The following DNAH11 variants were observed in gnomAD, a reference collection of about 807,000 sequenced individuals.
DNAH11 encodes axonemal beta dynein heavy chain 11.
A neutral mutation model predicts 526.0 loss-of-function variants in DNAH11; 442 were observed. That is an observed-to-expected ratio of 0.84 (90% confidence interval 0.78 to 0.91). The LOEUF (loss-of-function observed/expected upper bound fraction) is 0.91. Ranked by LOEUF, DNAH11 falls within the 40% of genes least tolerant of loss-of-function variation. The pLI, the probability that DNAH11 is intolerant of heterozygous loss-of-function variation, is 0.00. For synonymous variants in DNAH11, 2,461 were observed against 1,935.9 expected, an observed-to-expected ratio of 1.27 and a Z score of -7.12; for missense variants, 6,989 against 5,448.7, an observed-to-expected ratio of 1.28 and a Z score of -8.90.
Position 21,880,809 on chromosome 7 carries a change from C to G in DNAH11, c.12303C>G (p.Gly4101=). The G allele has an allele frequency of 6.2e-7, 1 of 1,614,010 alleles. No individual in the cohort carries two copies. The highest frequency in any genetic ancestry group is 1.1e-5 in the South Asian group (1 of 91,080). Residue 4101 remains glycine (G), a synonymous_variant, in exon 75 of 82, where the codon GGC becomes GGG. Transcript: ENST00000409508. ...VAGRLRFGPQ[G]WSRSYPFNPG... ...GGAGACTGAGGTTTGGCCCCCAGGG[C>G]TGGAGCCGAAGCTATCCTTTTAATC... is the stretch of plus-strand genomic sequence containing the variant.
intron 30 of DNAH11, among the ~76,000 whole-genome samples, chr7:21,676,846 C>T (rs1462283391): frequency 1.3e-5 from 2 of 152,144 alleles, no homozygotes; most frequent in Non-Finnish European, 2.9e-5. Context: ...GAGAAAATAT[C>T]CAAGGCCTAA....
intron 79 of DNAH11, among the ~76,000 whole-genome samples, chr7:21,896,991 C>T (rs374904973): frequency 1.2e-4 from 19 of 152,116 alleles, no homozygotes; most frequent in African/African-American, 4.6e-4. Flanking sequence ...GGTAGGATTG[C>T]TTGAGCCCAA....
Position 21,842,762 on chromosome 7 carries a change from C to T in DNAH11, c.10896+14C>T, listed in dbSNP as rs1315166156. Reference sequence around the variant, plus strand: ...GAGAAACTTAAGGTAAAAATGTTTACGTCACCACCAACACTTAGTCGGCAT... The same window carrying T: ...GAGAAACTTAAGGTAAAAATGTTTATGTCACCACCAACACTTAGTCGGCAT... On this transcript the variant is annotated intron_variant, in intron 66 of 81. Transcript: ENST00000409508. The T allele has an allele frequency of 1.8e-5, 29 of 1,588,430 alleles. No homozygotes were observed. The highest frequency in any genetic ancestry group is 1.7e-4 in the Middle Eastern group (1 of 6,036).
intron 56 of DNAH11, among the ~76,000 whole-genome samples, chr7:21,774,867 G>A (rs541578616): frequency 7.9e-5 from 12 of 152,236 alleles, no homozygotes; most frequent in South Asian, 2.1e-4. Flanking sequence ...CCTCACTAGT[G>A]ATCACCTCAA....
At chr7:21,628,570 C>G (rs1452667525) in intron 25 of DNAH11, among the ~76,000 whole-genome samples, 3 of 152,014 alleles carry the variant, frequency 2.0e-5, no homozygotes, top group Non-Finnish European at 4.4e-5. Context: ...CTTCTTGGTT[C>G]TATTGATGTG....
intron 14 of DNAH11, among the ~76,000 whole-genome samples, chr7:21,598,169 C>T (rs139994104): frequency 6.6e-6 from 1 of 152,210 alleles, no homozygotes; most frequent in African/African-American, 2.4e-5. Flanking sequence ...GTATAGTCCA[C>T]CTTACAATCA....
At chr7:21,864,191 C>T (rs1234441384) in intron 69 of DNAH11, among the ~76,000 whole-genome samples, 1 of 152,158 alleles carries the variant, frequency 6.6e-6, no homozygotes, top group Non-Finnish European at 1.5e-5. Flanking sequence ...AATCCATTGT[C>T]ACTGGAGGCT....
At chr7:21,733,027 T>G (rs1375107278) in intron 45 of DNAH11, among the ~76,000 whole-genome samples, 1 of 151,664 alleles carries the variant, frequency 6.6e-6, no homozygotes, top group East Asian at 1.9e-4. Context: ...GAGCTTCCCG[T>G]GGAGCACGTG....
At chr7:21,789,415 A>G (rs1201602446) in intron 61 of DNAH11, 73 bp downstream of exon 61, 15 of 927,476 alleles carry the variant, frequency 1.6e-5, no homozygotes, top group South Asian at 1.5e-4. Context: ...TTCCACCCTC[A>G]GACAGCACCA....
chr7:21,774,832 G>T (rs901242751), intron 56 of DNAH11, among the ~76,000 whole-genome samples: 3 of 152,110 alleles, frequency 2.0e-5, no homozygotes, highest in African/African-American at 7.2e-5. Flanking sequence ...AGCCAGTCAG[G>T]ACTTAGAGCT....
chr7:21,749,693 T>C lies in DNAH11; in HGVS notation c.8689T>C (p.Leu2897=), dbSNP rs1583656714. The C allele has an allele frequency of 6.2e-7, 1 of 1,613,868 alleles. No individual in the cohort carries two copies. Among genetic ancestry groups the C allele is most frequent in the Non-Finnish European group, 8.5e-7 (1 of 1,179,852 alleles). The change falls in exon 53 of 82, where the codon TTG becomes CTG. Residue 2897 remains leucine (L), a synonymous_variant. Transcript: ENST00000409508. ...TTCCTTACAGGTAGATCTTGCCAAT[T>C]TGTACATCCGAACTGGAGCCAAGAA... ...IQELRVDLAN[L]YIRTGAKNMP...
rs374186868 is a variant in DNAH11 at position 21,545,126 on chromosome 7, C to T, written c.472C>T (p.His158Tyr). 58 of 1,610,336 alleles carry T rather than the reference C, an allele frequency of 3.6e-5. No individual in the cohort carries two copies. The African/African-American group carries it at 5.7e-4, about 16-fold the overall frequency. Reference sequence around the variant, plus strand: ...AGAGTTACCTGCGTTGTCTCTTGGACATGTATCTGCTTTCCTTGATGAGGT... The same window carrying T: ...AGAGTTACCTGCGTTGTCTCTTGGATATGTATCTGCTTTCCTTGATGAGGT... ...FGELPALSLGHVSAFLDEILV... is the reference protein window; with the variant it reads ...FGELPALSLGYVSAFLDEILV... The change falls in exon 2 of 82, where the codon CAT becomes TAT. Residue 158 changes from histidine (H) to tyrosine (Y), a missense_variant. By Grantham distance (83) the His-to-Tyr change is moderately conservative (BLOSUM62 2). Transcript: ENST00000409508.
intron 62 of DNAH11, among the ~76,000 whole-genome samples, chr7:21,806,336 C>T (rs1164242116): frequency 6.6e-6 from 1 of 152,108 alleles, no homozygotes; most frequent in Admixed American, 6.5e-5. Context: ...AGAGATTCCT[C>T]CTGAAAATTA....
In DNAH11 at chr7:21,589,349, C is replaced by G. The variant is rs777633639; in HGVS notation, c.2115C>G (p.Pro705=). The G allele has an allele frequency of 7.5e-6, 12 of 1,608,672 alleles. No homozygotes were observed. Among genetic ancestry groups the G allele is most frequent in the Admixed American group, 5.1e-5 (3 of 59,058 alleles). Residue 705 remains proline (P), a synonymous_variant, in exon 12 of 82, where the codon CCC becomes CCG. Coordinates refer to ENST00000409508, the MANE Select transcript of DNAH11 (RefSeq NM_001277115.2). The stretch of plus-strand genomic sequence containing the variant: ...TCTGTGAATTCAATTTGAATCAACC[C>G]TTGGTTAAATTCAGTGCCATAAATG... ...DEICEFNLNQ[P]LVKFSAINGL...
At chr7:21,794,244 G>T (rs1788608605) in intron 61 of DNAH11, among the ~76,000 whole-genome samples, 1 of 152,058 alleles carries the variant, frequency 6.6e-6, no homozygotes, top group Admixed American at 6.6e-5. Context: ...ATTAGAGTTG[G>T]TCATTCGCTC....
chr7:21,787,223 T>G (rs546533423), intron 59 of DNAH11, among the ~76,000 whole-genome samples, 178 bp from the exon 60 acceptor site: 1 of 152,354 alleles, frequency 6.6e-6, no homozygotes, highest in Admixed American at 6.5e-5. Context: ...TTTAAAAGTG[T>G]CCATTGCTAA....
In DNAH11 at chr7:21,818,242, T is replaced by G; in HGVS notation, c.10594T>G (p.Leu3532Val). The change falls in exon 65 of 82, where the codon TTG (leucine) becomes GTG (valine). Residue 3532 changes from leucine to valine, a missense_variant. Transcript: ENST00000409508. ...GTTTTTGAATGCCATTGAAACTGCT[T>G]TGGCCTTTGGTGATGTCATCTTAAT... ...KGFLNAIETA[L>V]AFGDVILIEN... The G allele has an allele frequency of 6.2e-7, 1 of 1,612,308 alleles. No individual in the cohort carries two copies. Among genetic ancestry groups the G allele is most frequent in the Non-Finnish European group, 8.5e-7 (1 of 1,179,048 alleles).
At chr7:21,738,360 C>G (rs1373662651) in intron 46 of DNAH11, among the ~76,000 whole-genome samples, 1 of 152,152 alleles carries the variant, frequency 6.6e-6, no homozygotes, top group African/African-American at 2.4e-5. Context: ...CATAGCTGGA[C>G]TAGCAGTGGC....
intron 68 of DNAH11, among the ~76,000 whole-genome samples, chr7:21,857,598 C>G (rs1782902509): frequency 6.6e-6 from 1 of 151,798 alleles, no homozygotes; most frequent in African/African-American, 2.4e-5. Context: ...CTACACGAAT[C>G]AAGATGTTGT....
Sources: gnomAD v4.1 joint callset for allele counts (sites outside exome capture counted in the v4.1 genomes callset) on GRCh38, gnomAD v4.1.1 for gene constraint, MANE v1.5 for transcripts, NCBI Gene and HGNC (gene_info 2026-07-23, HGNC 2026-07-21) for gene names.